The following RERE variants were observed in gnomAD, a reference collection of about 807,000 sequenced individuals.
RERE encodes the protein arginine-glutamic acid dipeptide repeats protein.
Under a neutral mutation model 146.1 loss-of-function variants are expected in RERE, and 40 were observed. That is an observed-to-expected ratio of 0.27 (90% CI 0.21 to 0.36). The LOEUF (loss-of-function observed/expected upper bound fraction) is 0.36. RERE is among the 10% of genes least tolerant of loss of function. The probability of loss-of-function intolerance (pLI) is 1.00; values close to 1 mark genes in which losing one functional copy is unlikely to be tolerated. For synonymous variants in RERE, 1,003 were observed against 866.0 expected (o/e 1.16, Z -2.78); for missense variants, 1,933 against 2,138.7 (o/e 0.90, Z 1.90).
intron 1 of RERE, among the ~76,000 whole-genome samples, chr1:8,734,261 A>G (rs996381721): frequency 1.3e-5 from 2 of 152,222 alleles, no homozygotes; most frequent in African/African-American, 4.8e-5. Flanking sequence ...CACATTTCTC[A>G]AAGTATTATA....
At chr1:8,815,829 T>TTGTGTGTG (rs539845789) in intron 1 of RERE, among the ~76,000 whole-genome samples, 9,520 of 149,806 alleles carry the variant, frequency 0.064, 371 homozygotes, top group Admixed American at 0.097. Flanking sequence ...CAGCTTGGTA[T>TTGTGTGTG]TGTGTGTGTG....
intron 1 of RERE, among the ~76,000 whole-genome samples, chr1:8,733,964 A>G (rs1640143616): frequency 1.3e-5 from 2 of 152,102 alleles, no homozygotes; most frequent in Non-Finnish European, 2.9e-5. Flanking sequence ...TTAGCCATGC[A>G]TGGTGGTGGG....
At chr1:8,532,778 T>C (rs1451415266) in intron 7 of RERE, among the ~76,000 whole-genome samples, 1 of 152,162 alleles carries the variant, frequency 6.6e-6, no homozygotes, top group Non-Finnish European at 1.5e-5. Flanking sequence ...GTATTATTAG[T>C]AGAGACGGGG....
intron 10 of RERE, among the ~76,000 whole-genome samples, chr1:8,488,087 A>AG (rs1159470583): frequency 4.3e-5 from 1 of 23,214 alleles, no homozygotes; most frequent in African/African-American, 1.3e-4. Flanking sequence ...TTTTTTAATC[A>AG]AAAAAAAAAA....
At chr1:8,509,436 C>CCAT (rs1336779661) in intron 7 of RERE, among the ~76,000 whole-genome samples, 2 of 31,802 alleles carry the variant, frequency 6.3e-5, no homozygotes, top group African/African-American at 1.3e-4. Flanking sequence ...ATCCATCCAT[C>CCAT]CGTCCGTCCG....
rs1360455096 is a variant in RERE, at chr1:8,680,589, A to C, written c.-144-24148T>G. ...AGGAAAAGAAGGAAGACAGAGGAGG[A>C]GTCTGAGAAAATCTTAGTTCTTAAG... On this transcript the variant is annotated intron_variant, in intron 1 of 22. Coordinates refer to ENST00000400908, the MANE Select transcript of RERE (RefSeq NM_001042681.2). Among the ~76,000 whole-genome samples the C allele has an allele frequency of 9.8e-5, 15 of 152,306 alleles. 1 individual carries two copies. The South Asian group carries it at 2.1e-3, about 21-fold the overall frequency.
At chr1:8,453,586 A>C (rs369025831) in intron 11 of RERE, among the ~76,000 whole-genome samples, 71 of 152,320 alleles carry the variant, frequency 4.7e-4, no homozygotes, top group African/African-American at 1.7e-3. Context: ...TGGGCAGATC[A>C]TTTGAGGTTA....
At position 8,359,898 on chromosome 1, in the gene RERE, T is replaced by C. The variant is rs769621779; in HGVS notation, c.3484A>G (p.Lys1162Glu). The change falls in exon 19 of 23, where the codon AAG becomes GAG. Residue 1162 changes from lysine (K) to glutamate (E), a missense_variant. By Grantham distance (56) the Lys-to-Glu change is moderately conservative. Transcript: ENST00000400908. ...MPLAGSKLAKKREEAIEKAKR... is the reference protein window; with the variant it reads ...MPLAGSKLAKEREEAIEKAKR... ...GCCTTCTCAATGGCCTCCTCCCTCT[T>C]CTTGGCCAGCTTGGACCCGGCCAGA... 1.9e-6 allele frequency: 3 copies of C among 1,613,156 alleles called. No homozygotes were observed. The highest frequency in any genetic ancestry group is 1.7e-6 in the Non-Finnish European group (2 of 1,180,026).
At chr1:8,397,992 G>C (rs1190793699) in intron 12 of RERE, among the ~76,000 whole-genome samples, 1 of 152,240 alleles carries the variant, frequency 6.6e-6, no homozygotes. Flanking sequence ...AATCCAAAAA[G>C]GGAGGTGTAA....
chr1:8,811,564 T>C (rs774006170), intron 1 of RERE, among the ~76,000 whole-genome samples: 2 of 152,176 alleles, frequency 1.3e-5, no homozygotes, highest in Non-Finnish European at 2.9e-5. Flanking sequence ...GCTATGCTCA[T>C]GCCACTGCAC....
At chr1:8,626,310 T>C (rs1557442591) in intron 2 of RERE, among the ~76,000 whole-genome samples, 1 of 152,194 alleles carries the variant, frequency 6.6e-6, no homozygotes, top group Non-Finnish European at 1.5e-5. Flanking sequence ...TTCAGATCTC[T>C]AGTTATCAAT....
rs1002463003 is a variant in RERE, at chr1:8,353,917, A to G, written c.*1170T>C. 3 of 152,594 alleles carry G rather than the reference A, an allele frequency of 2.0e-5. No homozygotes were observed. Among genetic ancestry groups the G allele is most frequent in the Non-Finnish European group, 2.9e-5 (2 of 68,040 alleles). 9.5% of individuals were successfully genotyped at this position (152,594 alleles called of 1,614,324 possible). ...AAGATGGGGCCGTCCTCACCACAAG[A>G]TCCAAGTGACAATGCGCATGAGAAG... On this transcript the variant is annotated 3_prime_UTR_variant, in exon 23 of 23. Coordinates refer to ENST00000400908, the MANE Select transcript of RERE (RefSeq NM_001042681.2).
At chr1:8,402,629 TC>T (rs1231420003) in intron 12 of RERE, among the ~76,000 whole-genome samples, 1 of 152,166 alleles carries the variant, frequency 6.6e-6, no homozygotes, top group Non-Finnish European at 1.5e-5. Context: ...TGGGTTCAGT[TC>T]GGTAATATTC....
chr1:8,739,010 C>T (rs1408004824), intron 1 of RERE, among the ~76,000 whole-genome samples: 1 of 152,140 alleles, frequency 6.6e-6, no homozygotes, highest in Non-Finnish European at 1.5e-5. Context: ...CTTTATGATT[C>T]TAACAGAACA....
chr1:8,525,319 G>A (rs1258323660), intron 7 of RERE, among the ~76,000 whole-genome samples: 5 of 152,134 alleles, frequency 3.3e-5, no homozygotes, highest in Admixed American at 3.3e-4. Context: ...GCAACCAATA[G>A]AAGCCCACCT....
At chr1:8,550,937 A>G (rs1645928041) in intron 6 of RERE, among the ~76,000 whole-genome samples, 1 of 152,196 alleles carries the variant, frequency 6.6e-6, no homozygotes, top group African/African-American at 2.4e-5. Flanking sequence ...ATATACATGA[A>G]CCTAGTTGCT....
At chr1:8,546,000 T>TTTTTTTTG (rs1557680958) in intron 6 of RERE, among the ~76,000 whole-genome samples, 1 of 140,880 alleles carries the variant, frequency 7.1e-6, no homozygotes, top group African/African-American at 2.7e-5. Flanking sequence ...TTTTTTTTTT[T>TTTTTTTTG]TTTTTTTGAG....
At chr1:8,690,772 TAGA>T in intron 1 of RERE, among the ~76,000 whole-genome samples, 1 of 152,242 alleles carries the variant, frequency 6.6e-6, no homozygotes, top group South Asian at 2.1e-4. Context: ...AAGGAAAAAA[TAGA>T]AGAGGAGGAG....
intron 8 of RERE, 136 bp from the exon 9 acceptor site, chr1:8,497,665 A>C: frequency 2.3e-6 from 2 of 884,442 alleles, no homozygotes; most frequent in Non-Finnish European, 3.5e-6. Flanking sequence ...ATAACAACAA[A>C]ACCATGAGTC....
Sources: gnomAD v4.1 joint callset for allele counts (sites outside exome capture counted in the v4.1 genomes callset) on GRCh38, gnomAD v4.1.1 for gene constraint, MANE v1.5 for transcripts, NCBI Gene and HGNC (gene_info 2026-07-23, HGNC 2026-07-21) for gene names.